The following PCM1 variants were observed in gnomAD, a reference collection of about 807,000 sequenced individuals.
PCM1 encodes the protein pericentriolar material 1, also known as pericentriolar material 1 protein.
In PCM1, 157 loss-of-function variants were observed where a neutral mutation model predicts 241.9. That is an observed-to-expected ratio of 0.65 (90% confidence interval 0.57 to 0.74). The LOEUF (loss-of-function observed/expected upper bound fraction) is 0.74, where lower values mean the gene tolerates loss of function less well. Among genes scored for constraint, PCM1 ranks in the 30% least tolerant of loss-of-function variants. The pLI, the probability that PCM1 is intolerant of heterozygous loss-of-function variation, is 0.00. For missense variants in PCM1, 3,478 were observed against 2,360.1 expected (o/e 1.47, Z -9.81); for synonymous variants, 1,085 against 784.9 (o/e 1.38, Z -6.39).
chr8:17,943,472 T>C (rs2062825401), intron 6 of PCM1, among the ~76,000 whole-genome samples: 1 of 152,194 alleles, frequency 6.6e-6, no homozygotes, highest in African/African-American at 2.4e-5. Context: ...TCCTTCTGAA[T>C]AGTGACAAGC....
intron 26 of PCM1, 123 bp downstream of exon 26, chr8:17,986,210 CTT>C: frequency 3.0e-6 from 2 of 670,964 alleles, no homozygotes. Flanking sequence ...TTTTTTAAAA[CTT>C]GGGTATAATG....
chr8:17,980,479 C>G, intron 23 of PCM1, 112 bp from the exon 24 acceptor site: 1 of 745,904 alleles, frequency 1.3e-6, no homozygotes, highest in Non-Finnish European at 2.1e-6. Flanking sequence ...TTATACCAGG[C>G]CTTCCTAGCA....
intron 29 of PCM1, among the ~76,000 whole-genome samples, chr8:17,993,926 G>A (rs426503): frequency 0.082 from 12,462 of 152,130 alleles, 784 homozygotes; most frequent in African/African-American, 0.18. Context: ...TATAGTAGGT[G>A]TGTATATTTA....
intron 38 of PCM1, among the ~76,000 whole-genome samples, chr8:18,026,467 A>G (rs546596672): frequency 2.0e-5 from 3 of 151,118 alleles, no homozygotes; most frequent in South Asian, 2.1e-4. Context: ...TCACCAAGTT[A>G]CTCAGATGGT....
Position 18,028,607 on chromosome 8 carries a change from T to A in PCM1, c.*945T>A, listed in dbSNP as rs1425208440. The A allele has an allele frequency of 2.4e-5, 5 of 208,136 alleles. No individual in the cohort carries two copies. Among genetic ancestry groups the A allele is most frequent in the Non-Finnish European group, 4.9e-5 (5 of 102,204 alleles). 12.9% of individuals were successfully genotyped at this position (208,136 alleles called of 1,614,324 possible). A position where few individuals can be genotyped will look rare whatever the true frequency, so the allele number is the denominator to read the frequency against. ...TGTGTGTAGTGAGGTTGAAGCAGATTTGCAGGTGAAGTATTGAAAGTTTAT... is the reference window on the plus strand; with the variant it reads ...TGTGTGTAGTGAGGTTGAAGCAGATATGCAGGTGAAGTATTGAAAGTTTAT... On this transcript the variant is annotated 3_prime_UTR_variant, in exon 39 of 39. Transcript: ENST00000325083.
At chr8:18,019,518 G>A (rs1588683433) in intron 36 of PCM1, among the ~76,000 whole-genome samples, 1 of 152,186 alleles carries the variant, frequency 6.6e-6, no homozygotes, top group East Asian at 1.9e-4. Context: ...GGAGACCTGA[G>A]CTTGTCTTCC....
At position 17,972,410 on chromosome 8, in the gene PCM1, A is replaced by G. The variant is rs752836996; in HGVS notation, c.3666A>G (p.Pro1222=). Residue 1222 remains proline (P), a synonymous_variant, in exon 23 of 39, where the codon CCA becomes CCG. Transcript: ENST00000325083. ...AACAAGAAGGTGAAGTAGAGAAACC[A>G]TTTATCAAGACTGGATTTTCAGTGT... ...LYEQEGEVEK[P]FIKTGFSVSV... is the part of the protein sequence containing the mutation. 19 of 1,610,688 alleles carry G rather than the reference A, an allele frequency of 1.2e-5. No individual in the cohort carries two copies. Among genetic ancestry groups the G allele is most frequent in the African/African-American group, 2.7e-5 (2 of 74,718 alleles).
At chr8:17,957,210 C>G (rs766475409) in intron 11 of PCM1, 54 bp from the exon 12 acceptor site, 15 of 1,442,400 alleles carry the variant, frequency 1.0e-5, no homozygotes, top group Non-Finnish European at 1.3e-5. Flanking sequence ...ACTTGGATTT[C>G]TTTCTCTCTT....
At chr8:17,960,521 G>GTTTTTT (rs1586888104) in intron 15 of PCM1, 77 bp downstream of exon 15, 2 of 485,782 alleles carry the variant, frequency 4.1e-6, no homozygotes, top group South Asian at 2.4e-5. Context: ...ACTCTTTTTT[G>GTTTTTT]TTTTTGTTTT....
intron 36 of PCM1, among the ~76,000 whole-genome samples, chr8:18,021,050 G>C (rs1290018466): frequency 3.3e-5 from 5 of 152,144 alleles, no homozygotes; most frequent in Non-Finnish European, 2.9e-5. Context: ...CATTTTGAAT[G>C]AACTCCACAG....
chr8:17,966,880 C>A, intron 20 of PCM1, 100 bp from the exon 21 acceptor site: 1 of 1,089,738 alleles, frequency 9.2e-7, no homozygotes, highest in Non-Finnish European at 1.3e-6. Context: ...AGTTTGTCTG[C>A]ATGCTTTTGA....
rs1452253573 is a variant in PCM1 at position 18,029,427 on chromosome 8, C to T, written c.*1765C>T. On this transcript the variant is annotated 3_prime_UTR_variant, in exon 39 of 39. Transcript: ENST00000325083. ...TGCACACTCAAATTCTTTATTTTCT[C>T]CACTTTAAGCAGGAAAGGGTAAAAA... is the stretch of plus-strand genomic sequence containing the variant. 2.8e-5 allele frequency: 6 copies of T among 217,624 alleles called. No individual in the cohort carries two copies. The highest frequency in any genetic ancestry group is 5.5e-5 in the Non-Finnish European group (6 of 108,272). 13.5% of individuals were successfully genotyped at this position (217,624 alleles called of 1,614,324 possible).
intron 22 of PCM1, among the ~76,000 whole-genome samples, chr8:17,970,668 G>A (rs1360067477): frequency 1.3e-5 from 2 of 152,062 alleles, no homozygotes; most frequent in Non-Finnish European, 2.9e-5. Flanking sequence ...TATCCATCAC[G>A]AGCAGTAAAC....
intron 13 of PCM1, among the ~76,000 whole-genome samples, chr8:17,958,493 C>T (rs780906465): frequency 1.3e-5 from 2 of 151,712 alleles, no homozygotes; most frequent in East Asian, 1.9e-4. Flanking sequence ...ACAAAATATG[C>T]CTACACTTAT....
At chr8:17,940,280 C>A in intron 6 of PCM1, 2 of 581,808 alleles carry the variant, frequency 3.4e-6, no homozygotes, top group South Asian at 2.3e-5. Context: ...AAGAACCCCT[C>A]AAATTGTTAA....
At chr8:17,994,932 C>G (rs554669849) in intron 29 of PCM1, among the ~76,000 whole-genome samples, 1 of 151,438 alleles carries the variant, frequency 6.6e-6, no homozygotes, top group South Asian at 2.1e-4. Flanking sequence ...GGTTATTAAT[C>G]CCTTGTCGGA....
chr8:17,981,305 C>T lies in PCM1; in HGVS notation c.4108+550C>T, dbSNP rs986762283. 4.6e-5 allele frequency among the ~76,000 whole-genome samples: 7 copies of T among 152,112 alleles called. No homozygotes were observed. The East Asian group carries it at 7.7e-4, about 17-fold the overall frequency. ...GTCCTTTCTGCCTTTTTTGTAAGTT[C>T]GTTTCTCTGCTGGACTCTTAATACA... On this transcript the variant is annotated intron_variant, in intron 24 of 38. Coordinates refer to ENST00000325083, the MANE Select transcript of PCM1 (RefSeq NM_006197.4).
chr8:17,986,133 C>T (rs749224238), intron 26 of PCM1, 46 bp downstream of exon 26: 12 of 1,302,386 alleles, frequency 9.2e-6, no homozygotes, highest in Non-Finnish European at 1.2e-5. Flanking sequence ...TTTTAGTATG[C>T]AGTAAATAAA....
chr8:17,986,711 G>A (rs2082726621), intron 26 of PCM1, among the ~76,000 whole-genome samples: 1 of 151,746 alleles, frequency 6.6e-6, no homozygotes, highest in African/African-American at 2.4e-5. Flanking sequence ...TAATGTGCTA[G>A]GTGTTTGGGA....
Sources: allele counts gnomAD v4.1 joint callset (sites outside exome capture counted in the v4.1 genomes callset), GRCh38; gene constraint gnomAD v4.1.1; transcripts MANE v1.5; gene names NCBI Gene and HGNC (gene_info 2026-07-23, HGNC 2026-07-21).